GPBP1L1: variants seen among roughly 807,000 people sequenced by gnomAD.
GPBP1L1 encodes the protein vasculin-like protein 1.
A neutral mutation model predicts 52.5 loss-of-function variants in GPBP1L1; 23 were observed. The observed-to-expected ratio is 0.44, with a 90% CI of 0.32 to 0.62. GPBP1L1 has a LOEUF of 0.62. Ranked by LOEUF, GPBP1L1 falls within the 20% of genes least tolerant of loss-of-function variation. The pLI is 0.06. For missense variants in GPBP1L1, 596 were observed against 579.3 expected, an observed-to-expected ratio of 1.03 and a Z score of -0.30; for synonymous variants, 243 against 203.1, an observed-to-expected ratio of 1.20 and a Z score of -1.67.
intron 11 of GPBP1L1, 182 bp from the exon 12 acceptor site, chr1:45,629,860 GGCTCTTCACAGTTGAGAGAGGAAGA>G (rs72417938): frequency 0.11 from 62,131 of 580,838 alleles, 3,880 homozygotes; most frequent in Non-Finnish European, 0.13. Flanking sequence ...AATAAATGGA[GGCTCTTCACAGTTGAGAGAGGAAGA>G]GCTAAAGAAG....
At chr1:45,681,919 G>A (rs539907572) in intron 2 of GPBP1L1, among the ~76,000 whole-genome samples, 2 of 152,124 alleles carry the variant, frequency 1.3e-5, no homozygotes, top group Non-Finnish European at 2.9e-5. Flanking sequence ...CACAGAAAGC[G>A]GCCCAAATCT....
rs1303330185 is a variant in GPBP1L1 at position 45,664,245 on chromosome 1, G to A, written c.-1097-3020C>T. On this transcript the variant is annotated intron_variant, in intron 2 of 12. Transcript: ENST00000355105. ...TGAGTCAGGAGAATGGCGGGAACCC[G>A]GGAGGTGAAGCTTGCAGTGAACCGA... Among the ~76,000 whole-genome samples the A allele has an allele frequency of 5.3e-5, 8 of 152,238 alleles. No homozygotes were observed. The East Asian group carries it at 1.2e-3, about 22-fold the overall frequency.
At chr1:45,656,692 CA>C (rs1164606465) in intron 4 of GPBP1L1, among the ~76,000 whole-genome samples, 1 of 149,760 alleles carries the variant, frequency 6.7e-6, no homozygotes. Flanking sequence ...TTTTAAGAGC[CA>C]GGGTCTCAGT....
intron 3 of GPBP1L1, among the ~76,000 whole-genome samples, chr1:45,659,840 C>T (rs1260782073): frequency 2.0e-5 from 3 of 152,032 alleles, no homozygotes; most frequent in Non-Finnish European, 4.4e-5. Flanking sequence ...ACTCTGGAGG[C>T]TAAGGTGGGA....
intron 2 of GPBP1L1, among the ~76,000 whole-genome samples, chr1:45,662,922 A>G (rs1374438929): frequency 3.9e-5 from 6 of 151,914 alleles, no homozygotes; most frequent in South Asian, 2.1e-4. Context: ...ATGGTGGTGC[A>G]TGCCCATAGT....
intron 7 of GPBP1L1, among the ~76,000 whole-genome samples, chr1:45,641,129 G>C (rs1410414264): frequency 6.6e-6 from 1 of 152,158 alleles, no homozygotes; most frequent in Non-Finnish European, 1.5e-5. Context: ...CCTCTGATGA[G>C]GCAAACTGGA....
chr1:45,647,849 T>C (rs1359344987), intron 6 of GPBP1L1, among the ~76,000 whole-genome samples: 1 of 152,150 alleles, frequency 6.6e-6, no homozygotes, highest in Non-Finnish European at 1.5e-5. Flanking sequence ...GGGGTGGTGG[T>C]AGGGAAATGG....
At chr1:45,659,604 T>C (rs1011042941) in intron 3 of GPBP1L1, among the ~76,000 whole-genome samples, 1 of 152,160 alleles carries the variant, frequency 6.6e-6, no homozygotes, top group East Asian at 1.9e-4. Context: ...TGAAAAGAGA[T>C]TAATCTGCTT....
At chr1:45,683,175 C>G (rs1645231943) in intron 2 of GPBP1L1, among the ~76,000 whole-genome samples, 1 of 138,408 alleles carries the variant, frequency 7.2e-6, no homozygotes. Flanking sequence ...AACACAACAA[C>G]TTAGATTGCC....
intron 3 of GPBP1L1, among the ~76,000 whole-genome samples, chr1:45,659,767 T>A (rs1644926858): frequency 6.6e-6 from 1 of 152,024 alleles, no homozygotes; most frequent in Admixed American, 6.6e-5. Context: ...TGGCAAAACC[T>A]CATCTGTACA....
chr1:45,657,193 G>T (rs543717988), intron 4 of GPBP1L1, among the ~76,000 whole-genome samples: 34 of 152,288 alleles, frequency 2.2e-4, no homozygotes, highest in African/African-American at 7.7e-4. Context: ...CTTTGGGTCA[G>T]ATTAGGCCAA....
intron 2 of GPBP1L1, among the ~76,000 whole-genome samples, chr1:45,663,050 C>CAAAAAAAAAAAAAAAAA (rs66502921): frequency 3.4e-5 from 4 of 117,182 alleles, no homozygotes; most frequent in Admixed American, 9.3e-5. Context: ...GACTCTGTCT[C>CAAAAAAAAAAAAAAAAA]AAAAAAAAAA....
chr1:45,637,240 A>C (rs1293913116), intron 8 of GPBP1L1, among the ~76,000 whole-genome samples: 2 of 152,208 alleles, frequency 1.3e-5, no homozygotes, highest in Non-Finnish European at 2.9e-5. Context: ...ATACTCAATA[A>C]TTATTGCTAA....
At position 45,656,854 on chromosome 1, in the gene GPBP1L1, T is replaced by A. The variant is rs369251231; in HGVS notation, c.61-1535A>T. 2.1e-4 allele frequency among the ~76,000 whole-genome samples: 31 copies of A among 147,310 alleles called. 1 individual carries two copies. The highest frequency in any genetic ancestry group is 7.5e-4 in the Admixed American group (11 of 14,696). On this transcript the variant is annotated intron_variant, in intron 4 of 12. Transcript: ENST00000355105. Reference sequence around the variant, plus strand: ...CTAGTTTTTGTTGTTGTTTTTTTTTTAAATTTTTCTTGTAGAGACAAGGTC... The same window carrying A: ...CTAGTTTTTGTTGTTGTTTTTTTTTAAAATTTTTCTTGTAGAGACAAGGTC...
At chr1:45,629,428 G>T (rs1009353470) in intron 12 of GPBP1L1, 148 bp downstream of exon 12, 6 of 575,720 alleles carry the variant, frequency 1.0e-5, no homozygotes, top group Admixed American at 9.3e-5. Flanking sequence ...AGATTTAGGG[G>T]CCCCACTACA....
At chr1:45,672,582 T>C (rs1454089567) in intron 2 of GPBP1L1, among the ~76,000 whole-genome samples, 1 of 152,144 alleles carries the variant, frequency 6.6e-6, no homozygotes, top group Non-Finnish European at 1.5e-5. Context: ...GTGGAGATGT[T>C]AAGTAGATAG....
intron 2 of GPBP1L1, among the ~76,000 whole-genome samples, chr1:45,661,731 G>C (rs572896893): frequency 6.6e-6 from 1 of 152,136 alleles, no homozygotes; most frequent in Non-Finnish European, 1.5e-5. Context: ...GGGATTACGT[G>C]AGTGACCCAC....
chr1:45,683,266 G>A (rs763495944), intron 2 of GPBP1L1, among the ~76,000 whole-genome samples: 4 of 130,802 alleles, frequency 3.1e-5, no homozygotes, highest in African/African-American at 8.7e-5. Flanking sequence ...AGGTTGGAGC[G>A]CAGATCTCGG....
intron 6 of GPBP1L1, among the ~76,000 whole-genome samples, chr1:45,653,283 T>C (rs1462846626): frequency 4.6e-5 from 7 of 152,226 alleles, no homozygotes; most frequent in Non-Finnish European, 1.5e-5. Context: ...TCTGTAATCC[T>C]AGCACTTTGG....
Sources: allele counts gnomAD v4.1 joint callset (sites outside exome capture counted in the v4.1 genomes callset), GRCh38; gene constraint gnomAD v4.1.1; transcripts MANE v1.5; gene names NCBI Gene and HGNC (gene_info 2026-07-23, HGNC 2026-07-21).